The following DGKI variants were observed in gnomAD, a reference collection of about 807,000 sequenced individuals.
DGKI encodes the protein diacylglycerol kinase iota.
A neutral mutation model predicts 147.5 loss-of-function variants in DGKI; 55 were observed. That is an observed-to-expected ratio of 0.37 (90% CI 0.30 to 0.47). DGKI has a LOEUF of 0.47. DGKI is among the 20% of genes least tolerant of loss of function. DGKI has a pLI of 1.00. For missense variants in DGKI, 1,007 were observed against 1,323.8 expected (o/e 0.76, Z 3.71); for synonymous variants, 469 against 477.1 (o/e 0.98, Z 0.22).
chr7:137,766,015 G>A (rs1796004973), intron 1 of DGKI, among the ~76,000 whole-genome samples: 1 of 152,198 alleles, frequency 6.6e-6, no homozygotes, highest in African/African-American at 2.4e-5. Flanking sequence ...ACCTGAACAG[G>A]AGATTTCCTA....
At chr7:137,816,894 C>G (rs1394390508) in intron 1 of DGKI, among the ~76,000 whole-genome samples, 1 of 152,144 alleles carries the variant, frequency 6.6e-6, no homozygotes, top group Non-Finnish European at 1.5e-5. Flanking sequence ...CCAGAGAGTT[C>G]TTTGTTGTGA....
chr7:137,614,569 G>C (rs549417603), intron 8 of DGKI, among the ~76,000 whole-genome samples: 1 of 152,106 alleles, frequency 6.6e-6, no homozygotes, highest in East Asian at 1.9e-4. Flanking sequence ...CTTAAATTTG[G>C]GGTTTTCATT....
intron 30 of DGKI, among the ~76,000 whole-genome samples, chr7:137,402,992 G>A (rs2128896524): frequency 6.6e-6 from 1 of 152,250 alleles, no homozygotes. Flanking sequence ...GTAGGCGTGG[G>A]GAGAATAAAA....
chr7:137,429,080 A>G (rs1237196802), intron 28 of DGKI, among the ~76,000 whole-genome samples: 1 of 151,856 alleles, frequency 6.6e-6, no homozygotes, highest in African/African-American at 2.4e-5. Context: ...ACCAAAAAAG[A>G]GCCCACATCA....
At chr7:137,681,385 A>G (rs933123940) in intron 2 of DGKI, among the ~76,000 whole-genome samples, 12 of 152,200 alleles carry the variant, frequency 7.9e-5, no homozygotes, top group African/African-American at 2.9e-4. Context: ...TCAGATAGTG[A>G]TGGATGATGA....
In DGKI at chr7:137,392,718, T is replaced by G. The variant is rs1811410307; in HGVS notation, c.3058-1382A>C. Among the ~76,000 whole-genome samples the G allele has an allele frequency of 4.6e-5, 7 of 152,328 alleles. No homozygotes were observed. In the South Asian group the frequency reaches 1.5e-3, roughly 32 times the overall value. ...GCAGCCTTAGTAGATAATTGTGTCT[T>G]TACTTCCATAATAATGAGGTTGGAA... On this transcript the variant is annotated intron_variant, in intron 32 of 32. Transcript: ENST00000614521.
chr7:137,661,738 G>A (rs1366052819), intron 3 of DGKI, among the ~76,000 whole-genome samples: 3 of 152,152 alleles, frequency 2.0e-5, no homozygotes, highest in Admixed American at 6.5e-5. Context: ...CACAAAGCCC[G>A]GTCCACAGCA....
intron 6 of DGKI, among the ~76,000 whole-genome samples, chr7:137,638,621 CAT>C (rs1191499524): frequency 0.055 from 46 of 830 alleles, 15 homozygotes; most frequent in African/African-American, 0.071. Context: ...TACACACACA[CAT>C]ATATATGTGT....
chr7:137,755,895 A>G (rs1010199686), intron 1 of DGKI, among the ~76,000 whole-genome samples: 1 of 152,226 alleles, frequency 6.6e-6, no homozygotes, highest in African/African-American at 2.4e-5. Context: ...CTGAAAATTG[A>G]AAGAAAAAGA....
At chr7:137,725,055 G>A (rs1794680796) in intron 1 of DGKI, among the ~76,000 whole-genome samples, 1 of 152,092 alleles carries the variant, frequency 6.6e-6, no homozygotes, top group Non-Finnish European at 1.5e-5. Flanking sequence ...GGTGAGAAGG[G>A]GATGAGGTGG....
chr7:137,399,922 A>G (rs899990651), intron 30 of DGKI, among the ~76,000 whole-genome samples: 15 of 151,960 alleles, frequency 9.9e-5, no homozygotes, highest in Non-Finnish European at 1.8e-4. Flanking sequence ...AAAAAAAAAA[A>G]AAAGAAAGAA....
chr7:137,668,382 C>T (rs1822717063), intron 3 of DGKI, among the ~76,000 whole-genome samples: 1 of 152,210 alleles, frequency 6.6e-6, no homozygotes, highest in African/African-American at 2.4e-5. Flanking sequence ...TTAAATCTCC[C>T]TCTAAAGAGT....
chr7:137,490,961 ATC>A (rs1815741992), intron 21 of DGKI, among the ~76,000 whole-genome samples: 1 of 152,328 alleles, frequency 6.6e-6, no homozygotes, highest in Middle Eastern at 3.4e-3. Flanking sequence ...GCACATATTA[ATC>A]TCTCACCAGA....
At chr7:137,617,309 G>C (rs1820568360) in intron 8 of DGKI, among the ~76,000 whole-genome samples, 1 of 152,028 alleles carries the variant, frequency 6.6e-6, no homozygotes, top group Non-Finnish European at 1.5e-5. Flanking sequence ...CAACGGGTAA[G>C]TGGCCTGACA....
chr7:137,710,808 T>C (rs959722086), intron 1 of DGKI, among the ~76,000 whole-genome samples: 2 of 151,976 alleles, frequency 1.3e-5, no homozygotes, highest in African/African-American at 2.4e-5. Context: ...AATAATTCTG[T>C]TCATCAAAAA....
intron 9 of DGKI, 75 bp downstream of exon 9, chr7:137,609,460 A>G (rs1820291672): frequency 1.7e-6 from 2 of 1,147,500 alleles, no homozygotes; most frequent in African/African-American, 1.5e-5. Flanking sequence ...ATCAACTTGG[A>G]CCAGATCTCA....
intron 1 of DGKI, among the ~76,000 whole-genome samples, chr7:137,704,129 T>C (rs557350231): frequency 1.3e-5 from 2 of 152,266 alleles, no homozygotes; most frequent in Admixed American, 1.3e-4. Flanking sequence ...GAGAATCACT[T>C]GAACCCAGCA....
At chr7:137,487,083 G>A (rs529818566) in intron 22 of DGKI, among the ~76,000 whole-genome samples, 1 of 152,072 alleles carries the variant, frequency 6.6e-6, no homozygotes, top group Admixed American at 6.6e-5. Flanking sequence ...GCCATATACG[G>A]GGTCACTTCC....
At chr7:137,438,659 A>G (rs763785763) in intron 28 of DGKI, among the ~76,000 whole-genome samples, 1 of 152,190 alleles carries the variant, frequency 6.6e-6, no homozygotes, top group Non-Finnish European at 1.5e-5. Context: ...AAACAAAAAC[A>G]AACCCCCAAG....
Sources: allele counts gnomAD v4.1 joint callset (sites outside exome capture counted in the v4.1 genomes callset), GRCh38; gene constraint gnomAD v4.1.1; transcripts MANE v1.5; gene names NCBI Gene and HGNC (gene_info 2026-07-23, HGNC 2026-07-21).